GNPNAT1: variants seen among roughly 807,000 people sequenced by gnomAD.
The protein encoded by GNPNAT1 is glucosamine 6-phosphate N-acetyltransferase.
Under a neutral mutation model 19.8 loss-of-function variants are expected in GNPNAT1, and 11 were observed. The observed-to-expected ratio is 0.56, with a 90% CI of 0.35 to 0.92. The LOEUF (loss-of-function observed/expected upper bound fraction) is 0.92. Among genes scored for constraint, GNPNAT1 ranks in the 40% least tolerant of loss-of-function variants. The pLI is 0.01. For missense variants in GNPNAT1, 157 were observed against 211.0 expected, an observed-to-expected ratio of 0.74 and a Z score of 1.59; for synonymous variants, 71 against 72.3, an observed-to-expected ratio of 0.98 and a Z score of 0.09.
intron 1 of GNPNAT1, among the ~76,000 whole-genome samples, chr14:52,788,658 T>A (rs886480319): frequency 6.6e-6 from 1 of 152,220 alleles, no homozygotes; most frequent in Non-Finnish European, 1.5e-5. Flanking sequence ...GGTCTTGCTA[T>A]TAAACATATA....
At chr14:52,788,543 T>C (rs375589965) in intron 1 of GNPNAT1, among the ~76,000 whole-genome samples, 2 of 152,232 alleles carry the variant, frequency 1.3e-5, no homozygotes, top group African/African-American at 4.8e-5. Flanking sequence ...GGTAGCAACA[T>C]TGTTTTTCAG....
chr14:52,778,676 C>T (rs1882801652), intron 5 of GNPNAT1, among the ~76,000 whole-genome samples: 1 of 151,922 alleles, frequency 6.6e-6, no homozygotes, highest in Non-Finnish European at 1.5e-5. Context: ...ATCTCCAGCT[C>T]ACTAATAAAC....
At chr14:52,786,857 ATTTTTTTTTTTTTTTTTTTT>A (rs567085170) in intron 1 of GNPNAT1, among the ~76,000 whole-genome samples, 1 of 98,694 alleles carries the variant, frequency 1.0e-5, no homozygotes, top group Admixed American at 1.2e-4. Flanking sequence ...CAGGTTTTGG[ATTTTTTTTTTTTTTTTTTTT>A]TTTTTTTTTT....
chr14:52,778,239 C>T lies in GNPNAT1; in HGVS notation c.*72G>A, dbSNP rs1351297847. ...TATGGAGGTCACTCGGCTGCAGCAA[C>T]AAAATATTTCAACTCTAGGAAGAGT... On this transcript the variant is annotated 3_prime_UTR_variant, in exon 6 of 6. Coordinates refer to ENST00000216410, the MANE Select transcript of GNPNAT1 (RefSeq NM_198066.4). The T allele has an allele frequency of 2.5e-5, 30 of 1,223,824 alleles. No individual in the cohort carries two copies. In the Admixed American group the frequency reaches 4.7e-4, roughly 19 times the overall value. 75.8% of individuals were successfully genotyped at this position (1,223,824 alleles called of 1,614,324 possible). A position where few individuals can be genotyped will look rare whatever the true frequency, so the allele number is the denominator to read the frequency against.
At chr14:52,784,943 T>C (rs1272697547) in intron 1 of GNPNAT1, among the ~76,000 whole-genome samples, 1 of 150,928 alleles carries the variant, frequency 6.6e-6, no homozygotes, top group African/African-American at 2.4e-5. Context: ...TTTTTTTTTT[T>C]TTCAGACAGT....
Position 52,776,499 on chromosome 14 carries a change from A to T in GNPNAT1, c.*1812T>A, listed in dbSNP as rs1170754785. The T allele has an allele frequency of 6.6e-6, 1 of 152,124 alleles. No homozygotes were observed. Among genetic ancestry groups the T allele is most frequent in the Non-Finnish European group, 1.5e-5 (1 of 68,024 alleles). The allele number at this position is 152,124 out of a possible 1,614,324, so 9.4% of individuals were successfully genotyped here. A position where few individuals can be genotyped will look rare whatever the true frequency, so the allele number is the denominator to read the frequency against. On this transcript the variant is annotated 3_prime_UTR_variant, in exon 6 of 6. Coordinates refer to ENST00000216410, the MANE Select transcript of GNPNAT1 (RefSeq NM_198066.4). ...CAACCTTGTGAATGATTTTACCTCA[A>T]ATTGTTCAGTGGTAAGAAAGGTAAT...
chr14:52,780,874 T>C (rs1882878708), intron 4 of GNPNAT1, 134 bp from the exon 5 acceptor site: 4 of 567,154 alleles, frequency 7.1e-6, no homozygotes, highest in Admixed American at 3.0e-5. Flanking sequence ...ATGCAAAAAA[T>C]ATTATACAGT....
intron 5 of GNPNAT1, among the ~76,000 whole-genome samples, chr14:52,778,999 G>A (rs1237094564): frequency 6.6e-6 from 1 of 151,958 alleles, no homozygotes; most frequent in Non-Finnish European, 1.5e-5. Context: ...CTGGGCAACA[G>A]AGTGAGTCTC....
At chr14:52,779,423 AAAAC>A (rs1008230126) in intron 5 of GNPNAT1, among the ~76,000 whole-genome samples, 2 of 152,190 alleles carry the variant, frequency 1.3e-5, no homozygotes, top group African/African-American at 2.4e-5. Flanking sequence ...ATTTTTAAAA[AAAAC>A]AAAAGACCTT....
In GNPNAT1 at chr14:52,784,521, G is replaced by A; in HGVS notation, c.130C>T (p.Leu44Phe). 1 of 1,601,792 alleles carries A rather than the reference G, an allele frequency of 6.2e-7. No individual in the cohort carries two copies. Among genetic ancestry groups the A allele is most frequent in the Non-Finnish European group, 8.5e-7 (1 of 1,176,322 alleles). Residue 44 changes from leucine to phenylalanine, a missense_variant, in exon 2 of 6, where the codon CTT (leucine) becomes TTT (phenylalanine). Coordinates refer to ENST00000216410, the MANE Select transcript of GNPNAT1 (RefSeq NM_198066.4). ...HPGEGLVLRP[L>F]CTADLNRGFF... ...CCTCTATTTAAGTCAGCAGTACAAAGAGGCCTCAAAACCAAGCCTTCTCCA... is the reference window on the plus strand; with the variant it reads ...CCTCTATTTAAGTCAGCAGTACAAAAAGGCCTCAAAACCAAGCCTTCTCCA...
Position 52,790,371 on chromosome 14 carries a change from T to C in GNPNAT1, c.-15+1057A>G, listed in dbSNP as rs79536751. ...GGGGCGGACTTCGGATTCCTTTATA[T>C]TCATTTTATAACAATTTCGATAACA... On this transcript the variant is annotated intron_variant, in intron 1 of 5. Coordinates refer to ENST00000216410, the MANE Select transcript of GNPNAT1 (RefSeq NM_198066.4). Among the ~76,000 whole-genome samples, 112 of 152,372 alleles carry C rather than the reference T, an allele frequency of 7.4e-4. 1 individual carries two copies. In the East Asian group the frequency reaches 0.018, roughly 24 times the overall value.
Position 52,785,693 on chromosome 14 carries a change from C to T in GNPNAT1, c.-14-1029G>A, listed in dbSNP as rs148483875. Among the ~76,000 whole-genome samples the T allele has an allele frequency of 7.0e-4, 105 of 150,996 alleles. 1 individual carries two copies. The East Asian group carries it at 0.012, about 17-fold the overall frequency. On this transcript the variant is annotated intron_variant, in intron 1 of 5. Transcript: ENST00000216410. ...TGAGTTGAGATTGCGCCATTGCACT[C>T]CAGCCTGGGCAATGTAAGAGTGAAA...
At position 52,777,200 on chromosome 14, in the gene GNPNAT1, TAATC is replaced by T. The variant is rs1031273674; in HGVS notation, c.*1107_*1110del. The T allele has an allele frequency of 1.3e-5, 2 of 152,622 alleles. No homozygotes were observed. 9.5% of individuals were successfully genotyped at this position (152,622 alleles called of 1,614,324 possible). ...AACTAAAATTTTATGAATTATGACTTAATCTAATAGTTCAACAGCAGACTCAAGA... is the reference window on the plus strand; with the variant it reads ...AACTAAAATTTTATGAATTATGACTTTAATAGTTCAACAGCAGACTCAAGA... On this transcript the variant is annotated 3_prime_UTR_variant, in exon 6 of 6. Coordinates refer to ENST00000216410, the MANE Select transcript of GNPNAT1 (RefSeq NM_198066.4).
chr14:52,782,467 ATC>A (rs1284454684), intron 3 of GNPNAT1, among the ~76,000 whole-genome samples: 2 of 152,112 alleles, frequency 1.3e-5, no homozygotes, highest in Non-Finnish European at 2.9e-5. Context: ...GTAAAAACAT[ATC>A]TGTTTCCAAG....
intron 5 of GNPNAT1, among the ~76,000 whole-genome samples, chr14:52,779,839 G>GC (rs912682582): frequency 2.0e-5 from 3 of 150,104 alleles, no homozygotes; most frequent in Non-Finnish European, 4.4e-5. Flanking sequence ...TGGTACATAA[G>GC]CAGGTATTTA....
intron 5 of GNPNAT1, among the ~76,000 whole-genome samples, chr14:52,780,427 C>T (rs144552416): frequency 2.6e-4 from 39 of 152,070 alleles, no homozygotes; most frequent in Middle Eastern, 3.4e-3. Flanking sequence ...CCTACTAGGA[C>T]GAGAGCATTA....
intron 1 of GNPNAT1, among the ~76,000 whole-genome samples, chr14:52,790,598 G>C (rs1024551626): frequency 8.5e-5 from 13 of 152,322 alleles, no homozygotes; most frequent in African/African-American, 3.1e-4. Flanking sequence ...CAGCAAGTAA[G>C]TGACTTGGGG....
intron 5 of GNPNAT1, among the ~76,000 whole-genome samples, chr14:52,780,195 A>G (rs531825743): frequency 5.7e-4 from 87 of 152,332 alleles, no homozygotes; most frequent in African/African-American, 2.0e-3. Flanking sequence ...ATTATAATAA[A>G]TAAGAACTAC....
chr14:52,784,342 A>T (rs1359833793), intron 2 of GNPNAT1, among the ~76,000 whole-genome samples, 155 bp downstream of exon 2: 1 of 152,218 alleles, frequency 6.6e-6, no homozygotes, highest in Non-Finnish European at 1.5e-5. Flanking sequence ...GCCATGACAC[A>T]CACTCATTGG....
Sources: allele counts gnomAD v4.1 joint callset (sites outside exome capture counted in the v4.1 genomes callset), GRCh38; gene constraint gnomAD v4.1.1; transcripts MANE v1.5; gene names NCBI Gene and HGNC (gene_info 2026-07-23, HGNC 2026-07-21).